GAB1: variants seen among roughly 807,000 people sequenced by gnomAD.
GAB1 encodes the protein GRB2-associated-binding protein 1.
GAB1 carries 19 observed loss-of-function variants against 66.5 expected under a neutral mutation model. The ratio of observed to expected loss-of-function variants is 0.29; its 90% CI spans 0.20 to 0.42. The LOEUF (loss-of-function observed/expected upper bound fraction) is 0.42, where lower values mean the gene tolerates loss of function less well. GAB1 is among the 10% of genes least tolerant of loss of function. The pLI is 1.00. For synonymous variants in GAB1, 294 were observed against 301.4 expected (o/e 0.98, Z 0.25); for missense variants, 732 against 858.5 (o/e 0.85, Z 1.84).
intron 1 of GAB1, among the ~76,000 whole-genome samples, chr4:143,398,015 C>T (rs559236500): frequency 6.6e-6 from 1 of 152,348 alleles, no homozygotes; most frequent in African/African-American, 2.4e-5. Context: ...GTAGCATTCA[C>T]AGCAGTCTGA....
intron 6 of GAB1, among the ~76,000 whole-genome samples, chr4:143,448,891 A>G (rs1034819407): frequency 1.3e-5 from 2 of 151,198 alleles, no homozygotes; most frequent in African/African-American, 4.9e-5. Flanking sequence ...TAGGGTGTCA[A>G]TTTTGGATCT....
At chr4:143,377,733 G>T (rs1482549616) in intron 1 of GAB1, among the ~76,000 whole-genome samples, 1 of 152,152 alleles carries the variant, frequency 6.6e-6, no homozygotes, top group Non-Finnish European at 1.5e-5. Context: ...CATAATGTGG[G>T]AGTTTTATGA....
At chr4:143,388,444 T>A (rs773115445) in intron 1 of GAB1, among the ~76,000 whole-genome samples, 1 of 152,204 alleles carries the variant, frequency 6.6e-6, no homozygotes, top group Non-Finnish European at 1.5e-5. Context: ...AGACAGAGTC[T>A]CGCTCTGTCG....
chr4:143,408,388 G>C (rs1401822343), intron 1 of GAB1, among the ~76,000 whole-genome samples: 1 of 152,148 alleles, frequency 6.6e-6, no homozygotes, highest in East Asian at 1.9e-4. Context: ...TTAGTTATCA[G>C]AGTTAACAAC....
intron 6 of GAB1, among the ~76,000 whole-genome samples, chr4:143,441,489 G>C (rs759875031): frequency 6.6e-6 from 1 of 152,046 alleles, no homozygotes; most frequent in Non-Finnish European, 1.5e-5. Context: ...AGAGACTGAG[G>C]CTCAGACTAT....
Position 143,438,348 on chromosome 4 carries a change from A to G in GAB1, c.943A>G (p.Asn315Asp), listed in dbSNP as rs773773389. The G allele has an allele frequency of 1.9e-6, 3 of 1,614,112 alleles. No individual in the cohort carries two copies. Among genetic ancestry groups the G allele is most frequent in the Non-Finnish European group, 2.5e-6 (3 of 1,179,986 alleles). ...ISYDIPPTPG[N>D]TYQIPRTFPE... Reference sequence around the variant, plus strand: ...TTATGACATTCCTCCAACACCTGGTAATACTTATCAGATTCCACGAACATT... The same window carrying G: ...TTATGACATTCCTCCAACACCTGGTGATACTTATCAGATTCCACGAACATT... The change falls in exon 4 of 10, where the codon AAT (asparagine) becomes GAT (aspartate). Residue 315 changes from asparagine (N) to aspartate (D), a missense_variant. This residue lies in a region of GAB1 where 427 missense variants were observed against 420.6 expected (regional missense o/e 1.02). Transcript: ENST00000262994.
chr4:143,447,781 C>T (rs1289765846), intron 6 of GAB1, among the ~76,000 whole-genome samples: 1 of 152,066 alleles, frequency 6.6e-6, no homozygotes, highest in Non-Finnish European at 1.5e-5. Context: ...CCCTTTATTT[C>T]CTTCTCCTGC....
At chr4:143,352,395 A>G (rs1222952912) in intron 1 of GAB1, among the ~76,000 whole-genome samples, 1 of 152,160 alleles carries the variant, frequency 6.6e-6, no homozygotes, top group Non-Finnish European at 1.5e-5. Context: ...TTCCATGTGT[A>G]TTTTAGAAGG....
At chr4:143,383,038 A>G (rs1323070362) in intron 1 of GAB1, among the ~76,000 whole-genome samples, 1 of 152,172 alleles carries the variant, frequency 6.6e-6, no homozygotes, top group East Asian at 1.9e-4. Context: ...TCTCAGTTTG[A>G]AAGTAGTAAT....
intron 1 of GAB1, among the ~76,000 whole-genome samples, chr4:143,367,557 T>C (rs1011916084): frequency 4.6e-5 from 7 of 151,912 alleles, no homozygotes; most frequent in African/African-American, 1.2e-4. Context: ...GTTTGCTTTT[T>C]TTTTTTTTTT....
At chr4:143,413,309 G>A (rs1254577906) in intron 1 of GAB1, among the ~76,000 whole-genome samples, 2 of 152,170 alleles carry the variant, frequency 1.3e-5, no homozygotes, top group Non-Finnish European at 2.9e-5. Flanking sequence ...TTATTTTGCA[G>A]TAAGTAGATG....
At chr4:143,400,768 G>A (rs1731728272) in intron 1 of GAB1, among the ~76,000 whole-genome samples, 2 of 152,120 alleles carry the variant, frequency 1.3e-5, no homozygotes, top group Admixed American at 1.3e-4. Context: ...GGGAGTTCAA[G>A]AGCAGCCTGG....
At chr4:143,353,747 A>G (rs961388843) in intron 1 of GAB1, among the ~76,000 whole-genome samples, 4 of 152,002 alleles carry the variant, frequency 2.6e-5, no homozygotes, top group Admixed American at 1.3e-4. Flanking sequence ...TTGTTAAATC[A>G]TTCTTTCTTT....
rs761077537 is a variant in GAB1, at chr4:143,438,482, G to A, written c.1077G>A (p.Thr359=). The change falls in exon 4 of 10, where the codon ACG becomes ACA. Residue 359 remains threonine, a synonymous_variant. Coordinates refer to ENST00000262994, the MANE Select transcript of GAB1 (RefSeq NM_002039.4). Reference sequence around the variant, plus strand: ...CTCATGACCGATCTCCTGTGGAAACGTGTAGTATCCCACGCACCGCCTCAG... The same window carrying A: ...CTCATGACCGATCTCCTGTGGAAACATGTAGTATCCCACGCACCGCCTCAG... ...HPAHDRSPVE[T]CSIPRTASDT... The A allele has an allele frequency of 1.9e-6, 3 of 1,613,698 alleles. No homozygotes were observed. The highest frequency in any genetic ancestry group is 2.7e-5 in the African/African-American group (2 of 74,780).
intron 1 of GAB1, among the ~76,000 whole-genome samples, chr4:143,355,811 C>T (rs955949987): frequency 6.6e-6 from 1 of 152,122 alleles, no homozygotes; most frequent in Non-Finnish European, 1.5e-5. Context: ...AATGAGTCAC[C>T]ATGGGTAAGA....
Position 143,341,102 on chromosome 4 carries a change from A to T in GAB1, c.72+3842A>T, listed in dbSNP as rs1728810042. On this transcript the variant is annotated intron_variant, in intron 1 of 9. Transcript: ENST00000262994. ...GTTTCATTCTCCTGGAAGTTTTTAA[A>T]ATCTACTTAAAATGTAGGTGAAAAT... 4.6e-5 allele frequency among the ~76,000 whole-genome samples: 7 copies of T among 152,336 alleles called. No homozygotes were observed. In the South Asian group the frequency reaches 1.4e-3, roughly 32 times the overall value.
intron 1 of GAB1, among the ~76,000 whole-genome samples, chr4:143,414,097 A>T (rs567927454): frequency 6.6e-6 from 1 of 152,220 alleles, no homozygotes; most frequent in South Asian, 2.1e-4. Flanking sequence ...TGCTGGGATT[A>T]CAGGCATGAG....
chr4:143,384,802 G>A lies in GAB1; in HGVS notation c.73-30675G>A, dbSNP rs1372290165. Among the ~76,000 whole-genome samples the A allele has an allele frequency of 2.6e-5, 4 of 152,234 alleles. No homozygotes were observed. The South Asian group carries it at 6.2e-4, about 24-fold the overall frequency. On this transcript the variant is annotated intron_variant, in intron 1 of 9. Transcript: ENST00000262994. ...GTAGCTGGGGCCGAGTTGGCAGCTA[G>A]TAGGGCTGTCTGATGAAATCCACAT...
intron 1 of GAB1, 131 bp from the exon 2 acceptor site, chr4:143,415,346 C>A: frequency 1.4e-6 from 1 of 701,638 alleles, no homozygotes; most frequent in East Asian, 2.8e-5. Context: ...GGTAAAAACA[C>A]ACACACAAAC....
Sources: gnomAD v4.1 joint callset for allele counts (sites outside exome capture counted in the v4.1 genomes callset) on GRCh38, gnomAD v4.1.1 for gene constraint, gnomAD v4.1.1 regional missense constraint, MANE v1.5 for transcripts, NCBI Gene and HGNC (gene_info 2026-07-23, HGNC 2026-07-21) for gene names.